The following SLC5A5 variants were observed in gnomAD, a reference collection of about 807,000 sequenced individuals.
The protein encoded by SLC5A5 is sodium/iodide cotransporter.
In SLC5A5, 56 loss-of-function variants were observed where a neutral mutation model predicts 68.6. That is an observed-to-expected ratio of 0.82 (90% CI 0.66 to 1.02). The LOEUF is 1.02. Among genes scored for constraint, SLC5A5 ranks in the 50% least tolerant of loss-of-function variants. SLC5A5 has a pLI of 0.00. For missense variants in SLC5A5, 807 were observed against 859.8 expected, an observed-to-expected ratio of 0.94 and a Z score of 0.77; for synonymous variants, 398 against 373.0, an observed-to-expected ratio of 1.07 and a Z score of -0.77.
chr19:17,885,153 C>T (rs2094330489), intron 12 of SLC5A5, among the ~76,000 whole-genome samples: 1 of 151,290 alleles, frequency 6.6e-6, no homozygotes, highest in Non-Finnish European at 1.5e-5. Context: ...ACCACAGGTG[C>T]ACACCATCAT....
chr19:17,874,121 C>G lies in SLC5A5; in HGVS notation c.358-17C>G, dbSNP rs1456388744. Reference sequence around the variant, plus strand: ...TGGGTAAGGACTGTCCAGGTGACCTCGAGTCCCTCCTTGCAGTACCTGGAG... The same window carrying G: ...TGGGTAAGGACTGTCCAGGTGACCTGGAGTCCCTCCTTGCAGTACCTGGAG... On this transcript the variant is annotated splice_polypyrimidine_tract_variant and intron_variant, in intron 1 of 14. Transcript: ENST00000222248. The G allele has an allele frequency of 6.3e-7, 1 of 1,597,762 alleles. No individual in the cohort carries two copies. Among genetic ancestry groups the G allele is most frequent in the Non-Finnish European group, 8.6e-7 (1 of 1,165,618 alleles).
At chr19:17,883,206 G>A (rs999369260) in intron 10 of SLC5A5, among the ~76,000 whole-genome samples, 16 of 151,632 alleles carry the variant, frequency 1.1e-4, no homozygotes, top group African/African-American at 3.9e-4. Context: ...GCAACCACCC[G>A]CCTCAGCCTT....
In SLC5A5 at chr19:17,878,058, C is replaced by T. The variant is rs1159182237; in HGVS notation, c.934C>T (p.Pro312Ser). 2 of 1,612,728 alleles carry T rather than the reference C, an allele frequency of 1.2e-6. No homozygotes were observed. Among genetic ancestry groups the T allele is most frequent in the Non-Finnish European group, 1.7e-6 (2 of 1,180,028 alleles). Residue 312 changes from proline to serine, a missense_variant, in exon 7 of 15, where the codon CCT (proline) becomes TCT (serine). Transcript: ENST00000222248. ...GTTTGTGTTCTACACTGACTGCGACCCTCTCCTCCTGGGGCGCATCTCTGC... is the reference window on the plus strand; with the variant it reads ...GTTTGTGTTCTACACTGACTGCGACTCTCTCCTCCTGGGGCGCATCTCTGC... ...VMFVFYTDCD[P>S]LLLGRISAPD...
chr19:17,889,122 C>T (rs1357592918), intron 13 of SLC5A5, among the ~76,000 whole-genome samples: 2 of 151,690 alleles, frequency 1.3e-5, no homozygotes, highest in Admixed American at 6.6e-5. Flanking sequence ...GTCGACTGGG[C>T]GTAGTGGCTC....
At chr19:17,872,861 C>A (rs1459091570) in intron 1 of SLC5A5, among the ~76,000 whole-genome samples, 185 bp downstream of exon 1, 1 of 152,114 alleles carries the variant, frequency 6.6e-6, no homozygotes, top group Non-Finnish European at 1.5e-5. Context: ...AGGCGCCCGG[C>A]GAGGGGCAGG....
Position 17,873,633 on chromosome 19 carries a change from G to C in SLC5A5, c.358-505G>C, listed in dbSNP as rs111525532. Among the ~76,000 whole-genome samples, 1,324 of 152,186 alleles carry C rather than the reference G, an allele frequency of 8.7e-3. 20 individuals are homozygous for C. Among genetic ancestry groups the C allele is most frequent in the African/African-American group, 0.03 (1,260 of 41,514 alleles). On this transcript the variant is annotated intron_variant, in intron 1 of 14. Transcript: ENST00000222248. ...TAGCCGGGCATGGTCGCGCGCGCCT[G>C]TAATCCCAGCTACTCAGGAGGCTGA...
In SLC5A5 at chr19:17,883,843, C is replaced by T. The variant is rs2094327006; in HGVS notation, c.1330-7C>T. 7.5e-6 allele frequency: 12 copies of T among 1,601,262 alleles called. No individual in the cohort carries two copies. The highest frequency in any genetic ancestry group is 2.7e-5 in the African/African-American group (2 of 74,550). On this transcript the variant is annotated splice_polypyrimidine_tract_variant and splice_region_variant and intron_variant, in intron 11 of 14. Coordinates refer to ENST00000222248, the MANE Select transcript of SLC5A5 (RefSeq NM_000453.3). Reference sequence around the variant, plus strand: ...CTCCCCTTCCCTGACGCCGGCTCTGCCCCCAGGGCGTCCTCGCGGGACTAG... The same window carrying T: ...CTCCCCTTCCCTGACGCCGGCTCTGTCCCCAGGGCGTCCTCGCGGGACTAG...
chr19:17,883,849 G>C lies in SLC5A5; in HGVS notation c.1330-1G>C. 1 of 1,598,404 alleles carries C rather than the reference G, an allele frequency of 6.3e-7. No homozygotes were observed. Among genetic ancestry groups the C allele is most frequent in the South Asian group, 1.1e-5 (1 of 89,862 alleles). On this transcript the variant is annotated splice_acceptor_variant, in intron 11 of 14. Transcript: ENST00000222248. LOFTEE classifies it high-confidence loss of function. ...TTCCCTGACGCCGGCTCTGCCCCCA[G>C]GGCGTCCTCGCGGGACTAGGCGCGG...
chr19:17,894,880 G>T lies in SLC5A5; in HGVS notation c.*1003G>T, dbSNP rs1436087390. On this transcript the variant is annotated 3_prime_UTR_variant, in exon 15 of 15. Transcript: ENST00000222248. The stretch of plus-strand genomic sequence containing the variant: ...GGTGTAACTGGTTAAATTAAAAGAG[G>T]TATTACTGGAGGAGGATGGATGAAT... 1 of 152,184 alleles carries T rather than the reference G, an allele frequency of 6.6e-6. No individual in the cohort carries two copies. Among genetic ancestry groups the T allele is most frequent in the African/African-American group, 2.4e-5 (1 of 41,428 alleles). 9.4% of individuals were successfully genotyped at this position (152,184 alleles called of 1,614,324 possible). A position where few individuals can be genotyped will look rare whatever the true frequency, so the allele number is the denominator to read the frequency against.
intron 5 of SLC5A5, among the ~76,000 whole-genome samples, chr19:17,876,426 C>CAA (rs60457185): frequency 0.074 from 6,482 of 87,286 alleles, 401 homozygotes; most frequent in East Asian, 0.29. Flanking sequence ...GACCCTGTCT[C>CAA]AAAAAAAAAA....
intron 7 of SLC5A5, 108 bp downstream of exon 7, chr19:17,878,201 G>T: frequency 7.4e-7 from 1 of 1,344,772 alleles, no homozygotes; most frequent in Non-Finnish European, 1.0e-6. Flanking sequence ...CAAAGGCCAA[G>T]AAGTAGGAAA....
At chr19:17,874,436 C>A (rs1016481490) in intron 2 of SLC5A5, 58 bp from the exon 3 acceptor site, 1 of 1,540,794 alleles carries the variant, frequency 6.5e-7, no homozygotes, top group African/African-American at 1.4e-5. Context: ...CCTCCTCTCC[C>A]CATCCCCAAC....
chr19:17,873,154 G>C (rs1017232154), intron 1 of SLC5A5, among the ~76,000 whole-genome samples: 5 of 152,216 alleles, frequency 3.3e-5, no homozygotes, highest in African/African-American at 1.2e-4. Flanking sequence ...AGGGGAGAGG[G>C]TAAAGCGATT....
At position 17,882,459 on chromosome 19, in the gene SLC5A5, C is replaced by G. The variant is rs187091306; in HGVS notation, c.1242+240C>G. Among the ~76,000 whole-genome samples, 18 of 152,042 alleles carry G rather than the reference C, an allele frequency of 1.2e-4. No homozygotes were observed. The East Asian group carries it at 2.7e-3, about 23-fold the overall frequency. ...CAAGCCATCCTTCCACCTCAATCTCCCAAGTAGCTGGAGTTACAGGTGTGT... is the reference window on the plus strand; with the variant it reads ...CAAGCCATCCTTCCACCTCAATCTCGCAAGTAGCTGGAGTTACAGGTGTGT... On this transcript the variant is annotated intron_variant, in intron 10 of 14. Transcript: ENST00000222248.
intron 7 of SLC5A5, among the ~76,000 whole-genome samples, chr19:17,878,331 C>T (rs373365356): frequency 5.3e-5 from 8 of 152,076 alleles, no homozygotes; most frequent in African/African-American, 1.9e-4. Context: ...ATGGTGAAAC[C>T]CTGTCTCTAC....
At chr19:17,885,581 A>G (rs1360897792) in intron 12 of SLC5A5, among the ~76,000 whole-genome samples, 1 of 151,704 alleles carries the variant, frequency 6.6e-6, no homozygotes, top group Non-Finnish European at 1.5e-5. Context: ...AGTTTTTGCC[A>G]TGTTGCCCAG....
chr19:17,883,757 G>C lies in SLC5A5; in HGVS notation c.1319G>C (p.Cys440Ser). ...ATCTTGGGAATGTTCCTGCCGGCCTGCAACACACCGGTGAGTGGGGGCGGG... is the reference window on the plus strand; with the variant it reads ...ATCTTGGGAATGTTCCTGCCGGCCTCCAACACACCGGTGAGTGGGGGCGGG... ...AFILGMFLPA[C>S]NTPGVLAGLG... The change falls in exon 11 of 15, where the codon TGC becomes TCC. Residue 440 changes from cysteine (C) to serine (S), a missense_variant. Coordinates refer to ENST00000222248, the MANE Select transcript of SLC5A5 (RefSeq NM_000453.3). 1 of 1,213,446 alleles carries C rather than the reference G, an allele frequency of 8.2e-7. No individual in the cohort carries two copies. Among genetic ancestry groups the C allele is most frequent in the Non-Finnish European group, 1.1e-6 (1 of 878,596 alleles). 75.2% of individuals were successfully genotyped at this position (1,213,446 alleles called of 1,614,324 possible). A position where few individuals can be genotyped will look rare whatever the true frequency, so the allele number is the denominator to read the frequency against.
chr19:17,893,575 T>G (rs2030282814), intron 14 of SLC5A5, 138 bp from the exon 15 acceptor site: 1 of 842,498 alleles, frequency 1.2e-6, no homozygotes, highest in Non-Finnish European at 1.9e-6. Context: ...GCCCGTGCAC[T>G]GAGCAAGGGG....
chr19:17,885,758 T>C (rs2147747469), intron 12 of SLC5A5, among the ~76,000 whole-genome samples: 1 of 152,258 alleles, frequency 6.6e-6, no homozygotes, highest in Middle Eastern at 3.4e-3. Flanking sequence ...TCTCCCCAGC[T>C]CCTGGCAAGC....
Sources: gnomAD v4.1 joint callset for allele counts (sites outside exome capture counted in the v4.1 genomes callset) on GRCh38, gnomAD v4.1.1 for gene constraint, MANE v1.5 for transcripts, NCBI Gene and HGNC (gene_info 2026-07-23, HGNC 2026-07-21) for gene names.